The following GLI3 variants were observed in gnomAD, a reference collection of about 807,000 sequenced individuals.
The protein encoded by GLI3 is transcription activator GLI3.
GLI3 carries 20 observed loss-of-function variants against 100.8 expected under a neutral mutation model. That is an observed-to-expected ratio of 0.20 (90% CI 0.14 to 0.29). The LOEUF (loss-of-function observed/expected upper bound fraction) is 0.29, where lower values mean the gene tolerates loss of function less well. Ranked by LOEUF, GLI3 falls within the 10% of genes least tolerant of loss-of-function variation. The pLI is 1.00. For synonymous variants in GLI3, 938 were observed against 860.5 expected (o/e 1.09, Z -1.58); for missense variants, 2,040 against 2,128.5 (o/e 0.96, Z 0.82).
chr7:42,109,210 C>T (rs1047513606), intron 3 of GLI3, among the ~76,000 whole-genome samples: 11 of 152,322 alleles, frequency 7.2e-5, no homozygotes, highest in Admixed American at 1.3e-4. Context: ...TTGCTTTAAT[C>T]CAACCCCTCC....
At chr7:42,085,595 C>T (rs373457077) in intron 3 of GLI3, among the ~76,000 whole-genome samples, 2 of 152,130 alleles carry the variant, frequency 1.3e-5, no homozygotes, top group East Asian at 3.9e-4. Flanking sequence ...AAACTATGGC[C>T]TTATGATGCA....
rs758292413 is a variant in GLI3 at position 41,966,974 on chromosome 7, C to A, written c.2432-333G>T. On this transcript the variant is annotated intron_variant, in intron 14 of 14. Coordinates refer to ENST00000395925, the MANE Select transcript of GLI3 (RefSeq NM_000168.6). The surrounding 1 kb of genome is among the most constrained non-coding windows in gnomAD (Gnocchi z 5.8). The stretch of plus-strand genomic sequence containing the variant: ...CGATTCACTGAAGCCCCTCCCCAAG[C>A]GCTGTGCAAGGACAAAAAGAATCTT... Among the ~76,000 whole-genome samples, 19 of 152,208 alleles carry A rather than the reference C, an allele frequency of 1.2e-4. No individual in the cohort carries two copies. Among genetic ancestry groups the A allele is most frequent in the Non-Finnish European group, 1.5e-4 (10 of 68,042 alleles).
At chr7:42,003,864 A>G (rs1161831870) in intron 10 of GLI3, among the ~76,000 whole-genome samples, 2 of 152,222 alleles carry the variant, frequency 1.3e-5, no homozygotes, top group Admixed American at 6.5e-5. Context: ...GTATCAAAGC[A>G]GCACAAAAAA....
At chr7:42,023,710 G>C in intron 9 of GLI3, 102 bp from the exon 10 acceptor site, 1 of 1,088,888 alleles carries the variant, frequency 9.2e-7, no homozygotes. Context: ...TTTAGATTTG[G>C]GTCTAGGGTT....
intron 12 of GLI3, 144 bp downstream of exon 12, chr7:41,977,414 C>G: frequency 1.2e-6 from 1 of 815,048 alleles, no homozygotes; most frequent in Non-Finnish European, 2.1e-6. Context: ...GAAGCTCAAG[C>G]CTTCACCTGC....
upstream of GLI3, among the ~76,000 whole-genome samples, chr7:42,242,709 A>G (rs1788937561): frequency 6.6e-6 from 1 of 152,196 alleles, no homozygotes; most frequent in Admixed American, 6.5e-5. Context: ...TCCTTAGAAG[A>G]TGGTTTACAG....
At chr7:41,991,811 T>C (rs547995972) in intron 10 of GLI3, among the ~76,000 whole-genome samples, 182 of 152,100 alleles carry the variant, frequency 1.2e-3, no homozygotes, top group African/African-American at 4.4e-3. Flanking sequence ...AAAAAGTGAA[T>C]TGAGGAAGAA....
At chr7:42,223,335 G>T in intron 1 of GLI3, 40 bp from the exon 2 acceptor site, 1 of 932,412 alleles carries the variant, frequency 1.1e-6, no homozygotes, top group Non-Finnish European at 1.5e-6. Context: ...CCAAAATGGT[G>T]GAAAAAAAAA....
chr7:42,055,656 A>C (rs1784444845), intron 4 of GLI3, among the ~76,000 whole-genome samples: 1 of 152,076 alleles, frequency 6.6e-6, no homozygotes, highest in South Asian at 2.1e-4. Context: ...ACCTCTGTAC[A>C]TACCCACTCC....
chr7:42,048,965 C>G (rs944714404), intron 4 of GLI3, among the ~76,000 whole-genome samples: 1 of 152,112 alleles, frequency 6.6e-6, no homozygotes, highest in Non-Finnish European at 1.5e-5. Flanking sequence ...AAAGGTCAAC[C>G]TATGGCTTCT....
At chr7:42,170,287 T>TATATATATATATACACACACACACAC (rs1452471645) in intron 2 of GLI3, among the ~76,000 whole-genome samples, 1 of 124,004 alleles carries the variant, frequency 8.1e-6, no homozygotes, top group African/African-American at 3.1e-5. Context: ...TATATATATA[T>TATATATATATATACACACACACACAC]ACACACACAT....
chr7:42,059,980 G>GT (rs1784535775), intron 4 of GLI3, among the ~76,000 whole-genome samples: 1 of 152,208 alleles, frequency 6.6e-6, no homozygotes, highest in Admixed American at 6.5e-5. Context: ...TCAGTAAGCT[G>GT]TTCTATACAC....
intron 4 of GLI3, among the ~76,000 whole-genome samples, chr7:42,070,519 C>G (rs1784763942): frequency 6.6e-6 from 1 of 152,178 alleles, no homozygotes; most frequent in Non-Finnish European, 1.5e-5. Flanking sequence ...AAGGGCACTA[C>G]CTACTTGTAA....
chr7:42,204,299 C>A (rs1788105875), intron 2 of GLI3, among the ~76,000 whole-genome samples: 1 of 152,122 alleles, frequency 6.6e-6, no homozygotes, highest in Non-Finnish European at 1.5e-5. Flanking sequence ...ACCGAGAATG[C>A]TCATGCTTTA....
chr7:42,151,163 C>T (rs1010425734), intron 2 of GLI3: 1 of 152,116 alleles, frequency 6.6e-6, no homozygotes, highest in Non-Finnish European at 1.5e-5. Flanking sequence ...CAGTGCTACC[C>T]TAATTTTACC....
chr7:42,111,258 G>A (rs763519433), intron 3 of GLI3, among the ~76,000 whole-genome samples: 14 of 152,306 alleles, frequency 9.2e-5, no homozygotes, highest in Non-Finnish European at 1.3e-4. Context: ...GCAGAGTGCT[G>A]GGATCGGATA....
At chr7:42,096,666 G>C (rs879815504) in intron 3 of GLI3, among the ~76,000 whole-genome samples, 4 of 152,156 alleles carry the variant, frequency 2.6e-5, no homozygotes, top group Admixed American at 1.3e-4. Context: ...GCCTGGAGCA[G>C]CCACATCCCT....
chr7:42,100,076 A>G (rs1262812381), intron 3 of GLI3, among the ~76,000 whole-genome samples: 1 of 152,248 alleles, frequency 6.6e-6, no homozygotes, highest in Non-Finnish European at 1.5e-5. Context: ...CAGCTTTCTC[A>G]TAGCAAGTGG....
At chr7:42,017,594 C>T (rs986529099) in intron 10 of GLI3, among the ~76,000 whole-genome samples, 2 of 152,166 alleles carry the variant, frequency 1.3e-5, no homozygotes, top group African/African-American at 2.4e-5. Context: ...AATCTGTTTA[C>T]CATCCCTGTC....
Sources: allele counts gnomAD v4.1 joint callset (sites outside exome capture counted in the v4.1 genomes callset), GRCh38; gene constraint gnomAD v4.1.1; non-coding constraint Gnocchi (gnomAD v3.1); transcripts MANE v1.5; gene names NCBI Gene and HGNC (gene_info 2026-07-23, HGNC 2026-07-21).